NBEA: variants seen among roughly 807,000 people sequenced by gnomAD.
The protein encoded by NBEA is neurobeachin.
NBEA carries 44 observed loss-of-function variants against 343.4 expected under a neutral mutation model. The ratio of observed to expected loss-of-function variants is 0.13; its 90% CI spans 0.10 to 0.16. The LOEUF is 0.16. Ranked by LOEUF, NBEA falls within the 10% of genes least tolerant of loss-of-function variation. The pLI is 1.00. For missense variants in NBEA, 2,555 were observed against 3,631.3 expected (o/e 0.70, Z 7.62); for synonymous variants, 1,175 against 1,238.7 (o/e 0.95, Z 1.08).
intron 41 of NBEA, among the ~76,000 whole-genome samples, chr13:35,530,711 T>C (rs1447692055): frequency 6.6e-6 from 1 of 151,440 alleles, no homozygotes; most frequent in Non-Finnish European, 1.5e-5. Context: ...CTTCATAAAA[T>C]AGCAATACTT....
At chr13:35,384,268 CT>C (rs1314074067) in intron 38 of NBEA, among the ~76,000 whole-genome samples, 4 of 152,146 alleles carry the variant, frequency 2.6e-5, no homozygotes, top group Non-Finnish European at 5.9e-5. Flanking sequence ...TTATCCTAAG[CT>C]TTTATACCTA....
At chr13:35,658,321 C>T (rs1301071498) in intron 55 of NBEA, among the ~76,000 whole-genome samples, 3 of 152,076 alleles carry the variant, frequency 2.0e-5, no homozygotes, top group Non-Finnish European at 4.4e-5. Flanking sequence ...AAACCACTTC[C>T]ATAGAATCCA....
At chr13:35,249,773 G>T (rs745937723) in intron 34 of NBEA, among the ~76,000 whole-genome samples, 1 of 152,108 alleles carries the variant, frequency 6.6e-6, no homozygotes, top group South Asian at 2.1e-4. Context: ...TATTATTTGC[G>T]ACCTACATTT....
intron 1 of NBEA, among the ~76,000 whole-genome samples, chr13:34,986,921 T>C (rs1348249975): frequency 1.3e-5 from 2 of 150,974 alleles, no homozygotes; most frequent in African/African-American, 4.8e-5. Context: ...GCACATGGGA[T>C]GGGTCTCCTG....
At chr13:35,233,610 G>A (rs917363370) in intron 34 of NBEA, among the ~76,000 whole-genome samples, 3 of 152,086 alleles carry the variant, frequency 2.0e-5, no homozygotes, top group Non-Finnish European at 4.4e-5. Flanking sequence ...GAAGCTCTTA[G>A]AATATTGTCA....
At chr13:35,196,982 C>G (rs1033059990) in intron 31 of NBEA, among the ~76,000 whole-genome samples, 4 of 151,938 alleles carry the variant, frequency 2.6e-5, no homozygotes, top group Non-Finnish European at 5.9e-5. Context: ...TTTTAAGGAA[C>G]AATTAACTTT....
chr13:35,287,693 A>G lies in NBEA; in HGVS notation c.5777-2696A>G, dbSNP rs1011753008. On this transcript the variant is annotated intron_variant, in intron 34 of 58. Coordinates refer to ENST00000379939, the MANE Select transcript of NBEA (RefSeq NM_001385012.1). ...ATTCACCTTTGAATTGACCATTACA[A>G]CCCTTCTCATAATCAAATATTGCCA... 2.0e-5 allele frequency among the ~76,000 whole-genome samples: 3 copies of G among 151,932 alleles called. No individual in the cohort carries two copies. The East Asian group carries it at 5.8e-4, about 29-fold the overall frequency.
intron 18 of NBEA, among the ~76,000 whole-genome samples, chr13:35,154,989 G>A (rs1346722019): frequency 6.6e-6 from 1 of 151,714 alleles, no homozygotes; most frequent in Non-Finnish European, 1.5e-5. Context: ...AATTAGCTGT[G>A]TGTGTTGGCA....
rs544906594 is a variant in NBEA, at chr13:35,162,032, T to C, written c.4079+65T>C. The C allele has an allele frequency of 1.2e-4, 170 of 1,398,616 alleles. 2 individuals carry two copies. In the East Asian group the frequency reaches 4.1e-3, roughly 34 times the overall value. 86.6% of individuals were successfully genotyped at this position (1,398,616 alleles called of 1,614,324 possible). ...TAAAATATGCCATTGCCTATTCTAT[T>C]TGGTTTTGACAAAACCAAAAATCTG... On this transcript the variant is annotated intron_variant, in intron 23 of 58. Coordinates refer to ENST00000379939, the MANE Select transcript of NBEA (RefSeq NM_001385012.1).
At chr13:35,505,399 G>A (rs1311264543) in intron 41 of NBEA, among the ~76,000 whole-genome samples, 1 of 152,174 alleles carries the variant, frequency 6.6e-6, no homozygotes, top group Admixed American at 6.5e-5. Context: ...ACCTATTCCG[G>A]AGTATGAGAA....
intron 1 of NBEA, among the ~76,000 whole-genome samples, chr13:34,946,233 G>A (rs1207690536): frequency 6.6e-6 from 1 of 152,112 alleles, no homozygotes; most frequent in African/African-American, 2.4e-5. Flanking sequence ...ATTATTTAAA[G>A]TGGCAATATA....
chr13:35,485,416 T>C (rs2076272592), intron 41 of NBEA, among the ~76,000 whole-genome samples: 1 of 152,126 alleles, frequency 6.6e-6, no homozygotes, highest in South Asian at 2.1e-4. Flanking sequence ...TAGATGTTTA[T>C]TCATACTATA....
At position 35,196,193 on chromosome 13, in the gene NBEA, G is replaced by A. The variant is rs1315495138; in HGVS notation, c.5257G>A (p.Ala1753Thr). 1 of 1,613,520 alleles carries A rather than the reference G, an allele frequency of 6.2e-7. No homozygotes were observed. Among genetic ancestry groups the A allele is most frequent in the Non-Finnish European group, 8.5e-7 (1 of 1,179,744 alleles). The part of the protein sequence containing the change: ...VKEILKSLVA[A>T]PVEIAECGPE... ...GGAAATACTGAAAAGTCTTGTGGCT[G>A]CTCCAGTTGAAATAGCAGAATGTGG... Residue 1753 changes from alanine (A) to threonine (T), a missense_variant, in exon 31 of 59, where the codon GCT becomes ACT. Coordinates refer to ENST00000379939, the MANE Select transcript of NBEA (RefSeq NM_001385012.1).
chr13:35,524,914 G>C (rs763504132), intron 41 of NBEA, among the ~76,000 whole-genome samples: 26 of 152,156 alleles, frequency 1.7e-4, no homozygotes, highest in Non-Finnish European at 3.5e-4. Context: ...TTTATCTAGA[G>C]AGTCAATATA....
chr13:35,149,281 T>C (rs1490826020), intron 18 of NBEA, among the ~76,000 whole-genome samples: 1 of 152,184 alleles, frequency 6.6e-6, no homozygotes, highest in Non-Finnish European at 1.5e-5. Flanking sequence ...TCTGATATTG[T>C]ATTTCCCTCA....
chr13:35,644,572 C>G (rs1329155981), intron 49 of NBEA, among the ~76,000 whole-genome samples: 1 of 152,196 alleles, frequency 6.6e-6, no homozygotes, highest in Non-Finnish European at 1.5e-5. Context: ...TCCTCGCCCC[C>G]ACTTGTGTCC....
rs2066541611 is a variant in NBEA, at chr13:35,117,221, T to A, written c.2003-193T>A. Among the ~76,000 whole-genome samples, 3 of 151,754 alleles carry A rather than the reference T, an allele frequency of 2.0e-5. No individual in the cohort carries two copies. The South Asian group carries it at 6.2e-4, about 31-fold the overall frequency. ...CAAAATCAGACATTCAGTAAATAAT[T>A]TGAAATTGTCAAAAATTTGAAAGTT... is the stretch of plus-strand genomic sequence containing the variant. On this transcript the variant is annotated intron_variant, in intron 13 of 58. Coordinates refer to ENST00000379939, the MANE Select transcript of NBEA (RefSeq NM_001385012.1).
At chr13:35,339,604 G>A (rs766669809) in intron 36 of NBEA, among the ~76,000 whole-genome samples, 1 of 152,010 alleles carries the variant, frequency 6.6e-6, no homozygotes, top group South Asian at 2.1e-4. Context: ...GGTTTAATTG[G>A]CTCTTCTGCA....
At chr13:35,370,299 T>C (rs775970771) in intron 38 of NBEA, among the ~76,000 whole-genome samples, 7 of 152,034 alleles carry the variant, frequency 4.6e-5, no homozygotes, top group Non-Finnish European at 4.4e-5. Context: ...TCTTTGTCTT[T>C]TGTTTTTATT....
Sources: gnomAD v4.1 joint callset for allele counts (sites outside exome capture counted in the v4.1 genomes callset) on GRCh38, gnomAD v4.1.1 for gene constraint, MANE v1.5 for transcripts, NCBI Gene and HGNC (gene_info 2026-07-23, HGNC 2026-07-21) for gene names.